The following ARHGAP9 variants were observed in gnomAD, a reference collection of about 807,000 sequenced individuals.
ARHGAP9 encodes rho GTPase-activating protein 9.
A neutral mutation model predicts 87.3 loss-of-function variants in ARHGAP9; 76 were observed. The observed-to-expected ratio is 0.87, with a 90% confidence interval of 0.72 to 1.05. ARHGAP9 has a LOEUF of 1.05. Ranked by LOEUF, ARHGAP9 falls within the 50% of genes least tolerant of loss-of-function variation. The pLI is 0.00. For missense variants in ARHGAP9, 941 were observed against 960.5 expected (o/e 0.98, Z 0.27); for synonymous variants, 382 against 394.9 (o/e 0.97, Z 0.39).
intron 1 of ARHGAP9, among the ~76,000 whole-genome samples, chr12:57,487,026 G>C (rs1439057763): frequency 6.6e-6 from 1 of 151,308 alleles, no homozygotes; most frequent in African/African-American, 2.4e-5. Flanking sequence ...GCCCAGGCTG[G>C]AGTGCAATGG....
rs1229018220 is a variant in ARHGAP9, at chr12:57,478,554, C to T, written c.520G>A (p.Ala174Thr). The T allele has an allele frequency of 6.2e-7, 1 of 1,614,088 alleles. No individual in the cohort carries two copies. Among genetic ancestry groups the T allele is most frequent in the Admixed American group, 1.7e-5 (1 of 60,016 alleles). The change falls in exon 3 of 18, where the codon GCC becomes ACC. Residue 174 changes from alanine (A) to threonine (T), a missense_variant. Transcript: ENST00000393791. ...CTGTGACTCACTGTGCTGGCACTGG[C>T]TTCTGACGGCAAGTCTTCCTGGGAG... ...SLSQEDLPSE[A>T]SASTAGPQPL...
intron 8 of ARHGAP9, 45 bp from the exon 9 acceptor site, chr12:57,476,211 A>G (rs993651442): frequency 4.0e-6 from 6 of 1,508,720 alleles, no homozygotes; most frequent in Non-Finnish European, 4.5e-6. Flanking sequence ...TGTTTCCTTC[A>G]CTGCTTCCCT....
At chr12:57,478,911 A>G (rs969852480) in intron 2 of ARHGAP9, among the ~76,000 whole-genome samples, 154 bp from the exon 3 acceptor site, 2 of 152,200 alleles carry the variant, frequency 1.3e-5, no homozygotes, top group African/African-American at 4.8e-5. Context: ...CTAGGAGGAC[A>G]GGCAGTGGGA....
upstream of ARHGAP9, chr12:57,480,211 C>A (rs1260201514): frequency 1.0e-5 from 8 of 789,888 alleles, 2 homozygotes; most frequent in African/African-American, 1.5e-4. Flanking sequence ...GACGAAGTCT[C>A]GTTCTTGTCC....
chr12:57,474,191 A>G lies in ARHGAP9; in HGVS notation c.1784-15T>C. On this transcript the variant is annotated splice_polypyrimidine_tract_variant and intron_variant, in intron 15 of 17. Transcript: ENST00000393791. ...TAACCGACCTTCTGGAGGGAGAAGG[A>G]GGTATAGGGGCTCATGAAGGGCCAG... 6.2e-7 allele frequency: 1 copy of G among 1,608,536 alleles called. No homozygotes were observed. Among genetic ancestry groups the G allele is most frequent in the Non-Finnish European group, 8.5e-7 (1 of 1,176,538 alleles).
In ARHGAP9 at chr12:57,477,537, G is replaced by A. The variant is rs1294108150; in HGVS notation, c.678C>T (p.Asn226=). The part of the protein sequence containing the change: ...LDAWEQHLDP[N]SGRCFYINSL... ...AATTTATGTAGAAGCAGCGTCCAGA[G>A]TTGGGGTCCAGGTGCTGCTCCCAGG... is the stretch of plus-strand genomic sequence containing the variant. Residue 226 remains asparagine (N), a synonymous_variant, in exon 4 of 18, where the codon AAC becomes AAT. Transcript: ENST00000393791. The A allele has an allele frequency of 2.5e-6, 4 of 1,613,956 alleles. No homozygotes were observed. Among genetic ancestry groups the A allele is most frequent in the Middle Eastern group, 1.6e-4 (1 of 6,084 alleles).
chr12:57,478,050 A>G (rs1291903009), intron 3 of ARHGAP9: 6 of 896,082 alleles, frequency 6.7e-6, no homozygotes, highest in Non-Finnish European at 7.2e-6. Flanking sequence ...TACAGAAGGG[A>G]AGAGGAGCCC....
At chr12:57,481,848 A>G (rs144562123), upstream of ARHGAP9, among the ~76,000 whole-genome samples, 43 of 152,206 alleles carry the variant, frequency 2.8e-4, 1 homozygote, top group East Asian at 7.7e-3. Flanking sequence ...TCCTTAAACC[A>G]CAGAAGCCTA....
rs1872148123 is a variant in ARHGAP9 at position 57,472,479 on chromosome 12, A to G, written c.*38T>C. On this transcript the variant is annotated 3_prime_UTR_variant, in exon 18 of 18. Coordinates refer to ENST00000393791, the MANE Select transcript of ARHGAP9 (RefSeq NM_032496.4). ...GAACACCAGCCTCTCACCACCAGAG[A>G]TGACCGGAAATATGTTTTCTCTTCT... is the stretch of plus-strand genomic sequence containing the variant. 4 of 1,604,834 alleles carry G rather than the reference A, an allele frequency of 2.5e-6. No homozygotes were observed. The Admixed American group carries it at 6.7e-5, about 27-fold the overall frequency.
chr12:57,482,274 T>A (rs1875073594), upstream of ARHGAP9, among the ~76,000 whole-genome samples: 1 of 151,676 alleles, frequency 6.6e-6, no homozygotes, highest in Non-Finnish European at 1.5e-5. Flanking sequence ...GGAGTCTTGC[T>A]CTGTCGCCCA....
At chr12:57,488,265 C>A (rs1302167413) in intron 1 of ARHGAP9, 2 of 1,481,680 alleles carry the variant, frequency 1.3e-6, no homozygotes, top group Non-Finnish European at 1.9e-6. Context: ...AGATTCTCTG[C>A]AGCTGTCTTT....
chr12:57,475,549 C>T lies in ARHGAP9; in HGVS notation c.1378G>A (p.Asp460Asn). Reference sequence around the variant, plus strand: ...ACCAGCTCCGACTCCTCTTCTTCGTCCTCCCCGGCGCTCAGCTCCGCGGGT... The same window carrying T: ...ACCAGCTCCGACTCCTCTTCTTCGTTCTCCCCGGCGCTCAGCTCCGCGGGT... ...SGPAELSAGE[D>N]EEEESELVSK... is the part of the protein sequence containing the mutation. Residue 460 changes from aspartate (D) to asparagine (N), a missense_variant, in exon 11 of 18, where the codon GAC (aspartate) becomes AAC (asparagine). Asp to Asn is a conservative substitution (Grantham distance 23). Transcript: ENST00000393791. 6.2e-7 allele frequency: 1 copy of T among 1,608,764 alleles called. No homozygotes were observed. Among genetic ancestry groups the T allele is most frequent in the South Asian group, 1.1e-5 (1 of 90,282 alleles).
intron 3 of ARHGAP9, chr12:57,478,278 C>T (rs1874486657): frequency 2.1e-6 from 1 of 476,180 alleles, no homozygotes; most frequent in Non-Finnish European, 3.8e-6. Context: ...CCCTTCTCAC[C>T]TCCTACCCAG....
At position 57,479,244 on chromosome 12, in the gene ARHGAP9, G is replaced by C. The variant is rs141513128; in HGVS notation, c.163C>G (p.Arg55Gly). 3,012 of 1,614,202 alleles carry C rather than the reference G, an allele frequency of 1.9e-3. 10 individuals carry two copies. Among genetic ancestry groups the C allele is most frequent in the Non-Finnish European group, 1.7e-3 (1,983 of 1,180,028 alleles). ...AACCACCAGTCGGAGTTGGTCTTTC[G>C]AAGCAGTAGGAACCTATCCCCTTCA... is the stretch of plus-strand genomic sequence containing the variant. ...LAEGDRFLLL[R>G]KTNSDWWLAR... Residue 55 changes from arginine to glycine, a missense_variant, in exon 2 of 18, where the codon CGA (arginine) becomes GGA (glycine). Coordinates refer to ENST00000393791, the MANE Select transcript of ARHGAP9 (RefSeq NM_032496.4).
Position 57,476,418 on chromosome 12 carries a change from A to C in ARHGAP9, c.1062T>G (p.Gly354=). ...GCTCTCGGTAGAACACCAGGCTGTT[A>C]CCCGTTAACACCACCCAAGACGGGC... ...NWGPSWVVLT[G]NSLVFYREPP... The change falls in exon 8 of 18, where the codon GGT becomes GGG. Residue 354 remains glycine (G), a synonymous_variant. Coordinates refer to ENST00000393791, the MANE Select transcript of ARHGAP9 (RefSeq NM_032496.4). 1 of 1,613,960 alleles carries C rather than the reference A, an allele frequency of 6.2e-7. No homozygotes were observed.
chr12:57,486,957 T>C (rs1875467158), intron 1 of ARHGAP9, among the ~76,000 whole-genome samples: 1 of 151,604 alleles, frequency 6.6e-6, no homozygotes, highest in African/African-American at 2.4e-5. Context: ...GAACTCAGAC[T>C]GGTATTAATA....
intron 2 of ARHGAP9, 85 bp downstream of exon 2, chr12:57,479,006 C>A: frequency 6.7e-7 from 1 of 1,496,298 alleles, no homozygotes; most frequent in East Asian, 2.3e-5. Context: ...GGGAGGGGGA[C>A]CTCCCCAAAA....
chr12:57,486,876 A>T (rs374395741), intron 1 of ARHGAP9, among the ~76,000 whole-genome samples: 61 of 94,534 alleles, frequency 6.5e-4, no homozygotes, highest in African/African-American at 1.8e-3. Flanking sequence ...GCAGAGCAAG[A>T]CTCCGTCTCA....
At position 57,474,474 on chromosome 12, in the gene ARHGAP9, G is replaced by A; in HGVS notation, c.1732C>T (p.Arg578Cys). The change falls in exon 15 of 18, where the codon CGT becomes TGT. Residue 578 changes from arginine (R) to cysteine (C), a missense_variant and splice_region_variant. By Grantham distance (180) the Arg-to-Cys change is radical. Coordinates refer to ENST00000393791, the MANE Select transcript of ARHGAP9 (RefSeq NM_032496.4). ...TACCTCCCATCGGAGGTGACCGCACGCTCTGCAACATGAATGAGGAGAGAT... is the reference window on the plus strand; with the variant it reads ...TACCTCCCATCGGAGGTGACCGCACACTCTGCAACATGAATGAGGAGAGAT... ...QKLRFLVDRE[R>C]AVTSDGRYVF... 1.2e-6 allele frequency: 2 copies of A among 1,614,156 alleles called. No homozygotes were observed. The highest frequency in any genetic ancestry group is 1.7e-6 in the Non-Finnish European group (2 of 1,180,020).
Sources: allele counts gnomAD v4.1 joint callset (sites outside exome capture counted in the v4.1 genomes callset), GRCh38; gene constraint gnomAD v4.1.1; transcripts MANE v1.5; gene names NCBI Gene and HGNC (gene_info 2026-07-23, HGNC 2026-07-21).